Variants in NT5M observed in about 807,000 individuals in gnomAD.
The protein encoded by NT5M is 5',3'-nucleotidase, mitochondrial, also known as 5'(3')-deoxyribonucleotidase, mitochondrial.
NT5M carries 22 observed loss-of-function variants against 22.2 expected under a neutral mutation model. The observed-to-expected ratio is 0.99, with a 90% CI of 0.71 to 1.41. The LOEUF is 1.41. Ranked by LOEUF, NT5M falls within the 40% of genes most tolerant of loss-of-function variation. NT5M has a pLI of 0.00. For synonymous variants in NT5M, 167 were observed against 133.0 expected (o/e 1.26, Z -1.76); for missense variants, 322 against 314.8 (o/e 1.02, Z -0.17).
intron 2 of NT5M, among the ~76,000 whole-genome samples, chr17:17,306,938 C>T (rs1033348252): frequency 6.6e-6 from 1 of 152,246 alleles, no homozygotes; most frequent in Non-Finnish European, 1.5e-5. Flanking sequence ...TGGCTCATGC[C>T]TGTAATCCCA....
intron 3 of NT5M, among the ~76,000 whole-genome samples, chr17:17,331,905 C>A (rs2049395514): frequency 2.0e-5 from 3 of 151,324 alleles, no homozygotes; most frequent in Admixed American, 2.0e-4. Flanking sequence ...CTTGGCCTCC[C>A]AAGTAGCTGG....
chr17:17,308,719 A>G (rs922253379), intron 2 of NT5M, among the ~76,000 whole-genome samples: 4 of 152,130 alleles, frequency 2.6e-5, no homozygotes, highest in African/African-American at 9.7e-5. Flanking sequence ...ATCATCCCCA[A>G]AAGAAACCCT....
chr17:17,306,483 A>G (rs1320131696), intron 1 of NT5M, 60 bp from the exon 2 acceptor site: 3 of 1,174,792 alleles, frequency 2.6e-6, no homozygotes, highest in East Asian at 2.3e-5. Flanking sequence ...ATACTCCCCA[A>G]GATGAGGGCA....
At chr17:17,322,139 G>A (rs1462488404) in intron 2 of NT5M, among the ~76,000 whole-genome samples, 1 of 152,136 alleles carries the variant, frequency 6.6e-6, no homozygotes, top group Non-Finnish European at 1.5e-5. Context: ...GAATGGAGAG[G>A]ATGGCGAGCC....
chr17:17,346,846 G>C lies in NT5M; in HGVS notation c.586G>C (p.Ala196Pro), dbSNP rs61753614. 6.2e-7 allele frequency: 1 copy of C among 1,605,386 alleles called. No homozygotes were observed. The highest frequency in any genetic ancestry group is 2.2e-5 in the East Asian group (1 of 44,814). The change falls in exon 5 of 5, where the codon GCC becomes CCC. Residue 196 changes from alanine to proline, a missense_variant. By Grantham distance (27) the Ala-to-Pro change is conservative. Coordinates refer to ENST00000389022, the MANE Select transcript of NT5M (RefSeq NM_020201.4). ...TPSWEHVLFT[A>P]CHNQHLQLQP... ...CAGCTGGGAGCATGTCCTCTTCACC[G>C]CCTGCCACAACCAGCACCTGCAGCT...
intron 3 of NT5M, among the ~76,000 whole-genome samples, chr17:17,323,783 A>G (rs2049206993): frequency 6.6e-6 from 1 of 152,174 alleles, no homozygotes; most frequent in African/African-American, 2.4e-5. Flanking sequence ...GAGGAAGGCA[A>G]GATCTTCAGT....
chr17:17,329,012 C>G (rs1265149999), intron 3 of NT5M, among the ~76,000 whole-genome samples: 3 of 152,186 alleles, frequency 2.0e-5, no homozygotes, highest in Non-Finnish European at 4.4e-5. Context: ...GAGTCTCGCT[C>G]TGTCTCCCAG....
intron 3 of NT5M, among the ~76,000 whole-genome samples, chr17:17,336,691 C>T (rs112601851): frequency 1.3e-5 from 2 of 151,908 alleles, no homozygotes; most frequent in African/African-American, 4.8e-5. Flanking sequence ...GCTGGGACTA[C>T]AGGCATGCAC....
At chr17:17,323,457 G>A (rs1203611922) in intron 3 of NT5M, among the ~76,000 whole-genome samples, 1 of 152,220 alleles carries the variant, frequency 6.6e-6, no homozygotes, top group African/African-American at 2.4e-5. Context: ...GCCTGTCACT[G>A]TGTCAGGTTA....
intron 2 of NT5M, among the ~76,000 whole-genome samples, chr17:17,315,216 C>G (rs2048998571): frequency 6.6e-6 from 1 of 152,194 alleles, no homozygotes; most frequent in African/African-American, 2.4e-5. Flanking sequence ...ATGGTGCTCA[C>G]TGTCGTGAAG....
intron 1 of NT5M, among the ~76,000 whole-genome samples, chr17:17,305,120 T>C (rs1415152518): frequency 6.6e-6 from 1 of 152,068 alleles, no homozygotes; most frequent in East Asian, 1.9e-4. Flanking sequence ...CTGGACACCA[T>C]ATATCCGCCC....
In NT5M at chr17:17,342,228, A is replaced by G. The variant is rs115480013; in HGVS notation, c.430-2566A>G. Among the ~76,000 whole-genome samples the G allele has an allele frequency of 8.5e-3, 1,295 of 152,124 alleles. 32 individuals are homozygous for G. The highest frequency in any genetic ancestry group is 0.03 in the African/African-American group (1,240 of 41,486). ...GACTGGTTTCTAGAATACATTAACTACTCTCACAACTCAATACAAACAGCC... is the reference window on the plus strand; with the variant it reads ...GACTGGTTTCTAGAATACATTAACTGCTCTCACAACTCAATACAAACAGCC... On this transcript the variant is annotated intron_variant, in intron 3 of 4. Coordinates refer to ENST00000389022, the MANE Select transcript of NT5M (RefSeq NM_020201.4).
chr17:17,323,727 C>T (rs2145376249), intron 3 of NT5M, among the ~76,000 whole-genome samples: 1 of 152,322 alleles, frequency 6.6e-6, no homozygotes, highest in African/African-American at 2.4e-5. Flanking sequence ...CCGGAGGGGT[C>T]AGGGCCGGCC....
At chr17:17,309,773 C>G (rs1038325659) in intron 2 of NT5M, among the ~76,000 whole-genome samples, 4 of 143,800 alleles carry the variant, frequency 2.8e-5, no homozygotes, top group African/African-American at 1.0e-4. Context: ...ATGCAAGTGA[C>G]AAAAGAGAAA....
chr17:17,303,515 G>C lies in NT5M; in HGVS notation c.-36G>C, dbSNP rs550632370. On this transcript the variant is annotated 5_prime_UTR_variant, in exon 1 of 5. Coordinates refer to ENST00000389022, the MANE Select transcript of NT5M (RefSeq NM_020201.4). ...GGCTCCGGCAGCACGGCGCGGCCCA[G>C]GTCCCCGCGCCCACGACGGGCCAGC... The C allele has an allele frequency of 2.8e-4, 285 of 1,028,856 alleles. 2 individuals are homozygous for C. The African/African-American group carries it at 4.7e-3, about 17-fold the overall frequency. 63.7% of individuals were successfully genotyped at this position (1,028,856 alleles called of 1,614,324 possible).
Position 17,347,412 on chromosome 17 carries a change from A to G in NT5M, c.*465A>G, listed in dbSNP as rs768379161. 5.9e-6 allele frequency: 1 copy of G among 169,836 alleles called. No individual in the cohort carries two copies. Among genetic ancestry groups the G allele is most frequent in the Non-Finnish European group, 1.3e-5 (1 of 79,204 alleles). The allele number at this position is 169,836 out of a possible 1,614,324, so 10.5% of individuals were successfully genotyped here. On this transcript the variant is annotated 3_prime_UTR_variant, in exon 5 of 5. Transcript: ENST00000389022. Reference sequence around the variant, plus strand: ...AGCCCCTCTTGGTCTCAGCCACAGCACCCCTTATTCCAGCTGCCCTGCCCA... The same window carrying G: ...AGCCCCTCTTGGTCTCAGCCACAGCGCCCCTTATTCCAGCTGCCCTGCCCA...
rs372842709 is a variant in NT5M, at chr17:17,315,786, G to A, written c.369-7399G>A. Among the ~76,000 whole-genome samples, 14 of 119,282 alleles carry A rather than the reference G, an allele frequency of 1.2e-4. No homozygotes were observed. The East Asian group carries it at 3.3e-3, about 28-fold the overall frequency. The allele number at this position is 119,282 out of a possible 152,430, so 78.3% of individuals were successfully genotyped here. A position where few individuals can be genotyped will look rare whatever the true frequency, so the allele number is the denominator to read the frequency against. The stretch of plus-strand genomic sequence containing the variant: ...TTTTTTTTTTTTTTGAGACAGCCTC[G>A]CTCCATCACCCAGGCTAGAGTGCAG... On this transcript the variant is annotated intron_variant, in intron 2 of 4. Coordinates refer to ENST00000389022, the MANE Select transcript of NT5M (RefSeq NM_020201.4).
intron 3 of NT5M, among the ~76,000 whole-genome samples, chr17:17,329,173 T>C (rs2049324992): frequency 6.6e-6 from 1 of 152,036 alleles, no homozygotes; most frequent in African/African-American, 2.4e-5. Context: ...AGAGACGGGG[T>C]TTCACTGTGT....
intron 3 of NT5M, among the ~76,000 whole-genome samples, 179 bp from the exon 4 acceptor site, chr17:17,344,615 G>A (rs1264819433): frequency 2.0e-5 from 3 of 152,168 alleles, no homozygotes; most frequent in East Asian, 1.9e-4. Context: ...GAGTGCTGGC[G>A]TCCTGGGCTG....
Sources: gnomAD v4.1 joint callset for allele counts (sites outside exome capture counted in the v4.1 genomes callset) on GRCh38, gnomAD v4.1.1 for gene constraint, MANE v1.5 for transcripts, NCBI Gene and HGNC (gene_info 2026-07-23, HGNC 2026-07-21) for gene names.